Variants in OSR1 observed in about 807,000 individuals in gnomAD.
The protein encoded by OSR1 is odd-skipped related transcription factor 1, also known as protein odd-skipped-related 1.
OSR1 carries 3 observed loss-of-function variants against 15.7 expected under a neutral mutation model. The ratio of observed to expected loss-of-function variants is 0.19; its 90% CI spans 0.09 to 0.50. OSR1 has a LOEUF of 0.50. Ranked by LOEUF, OSR1 falls within the 20% of genes least tolerant of loss-of-function variation. The pLI is 0.97. For missense variants in OSR1, 271 were observed against 351.1 expected (o/e 0.77, Z 1.82); for synonymous variants, 166 against 152.7 (o/e 1.09, Z -0.64).
the OSR1 span, among the ~76,000 whole-genome samples, chr2:19,346,011 T>C: frequency 1.1e-4 from 17 of 152,296 alleles, no homozygotes; most frequent in Middle Eastern, 3.4e-3. Context: ...ATGCCCCCTA[T>C]AAAGTTTATC....
intron 1 of OSR1, chr2:19,356,185 C>G (rs1396855398): frequency 6.6e-6 from 1 of 152,500 alleles, no homozygotes; most frequent in Non-Finnish European, 1.5e-5. Context: ...CCACCAACCT[C>G]GCTAGGCCTT....
chr2:19,352,146 G>C lies in OSR1; in HGVS notation c.*129C>G. 9.2e-7 allele frequency: 1 copy of C among 1,087,258 alleles called. No homozygotes were observed. Among genetic ancestry groups the C allele is most frequent in the African/African-American group, 1.6e-5 (1 of 62,986 alleles). 67.4% of individuals were successfully genotyped at this position (1,087,258 alleles called of 1,614,324 possible). A position where few individuals can be genotyped will look rare whatever the true frequency, so the allele number is the denominator to read the frequency against. ...AAGTGCCGCGTGCGCCAGGGACCCA[G>C]GGGACAATGTTGGAGAGGTGGAAGG... On this transcript the variant is annotated 3_prime_UTR_variant, in exon 3 of 3. Transcript: ENST00000272223.
At chr2:19,348,734 A>T (rs1042700625), downstream of OSR1, among the ~76,000 whole-genome samples, 4 of 152,168 alleles carry the variant, frequency 2.6e-5, no homozygotes, top group African/African-American at 9.7e-5. Context: ...AATAGGGGGT[A>T]GAACCTGAAA....
chr2:19,350,903 G>C (rs1429512196), downstream of OSR1, among the ~76,000 whole-genome samples: 2 of 152,146 alleles, frequency 1.3e-5, no homozygotes, highest in East Asian at 3.9e-4. Flanking sequence ...AGAGAATTGT[G>C]TCTGAGGGAC....
chr2:19,347,218 T>A (rs1021214871), downstream of OSR1, among the ~76,000 whole-genome samples: 1 of 152,184 alleles, frequency 6.6e-6, no homozygotes, highest in Admixed American at 6.5e-5. Flanking sequence ...CTAAGCATCA[T>A]CATCATCAAC....
chr2:19,350,849 C>T (rs1445783002), downstream of OSR1, among the ~76,000 whole-genome samples: 8 of 152,162 alleles, frequency 5.3e-5, no homozygotes, highest in Non-Finnish European at 1.0e-4. Context: ...AGGGAATCTT[C>T]GCGGGTGCAG....
In OSR1 at chr2:19,352,469, C is replaced by T. The variant is rs1664861079; in HGVS notation, c.666-59G>A. The T allele has an allele frequency of 1.3e-5, 21 of 1,587,792 alleles. No individual in the cohort carries two copies. The South Asian group carries it at 2.2e-4, about 17-fold the overall frequency. ...AATGATGCAATGTTATAAACAGTTG[C>T]CCAAGATCCCCTCCCACTGCTGTGG... On this transcript the variant is annotated intron_variant, in intron 2 of 2. Transcript: ENST00000272223.
chr2:19,348,810 G>A (rs183149732), downstream of OSR1, among the ~76,000 whole-genome samples: 94 of 152,272 alleles, frequency 6.2e-4, no homozygotes, highest in Non-Finnish European at 1.0e-3. Flanking sequence ...ATATCTTACC[G>A]GAGACAGCAT....
At chr2:19,354,137 A>C (rs573550539) in intron 1 of OSR1, 142 of 276,946 alleles carry the variant, frequency 5.1e-4, no homozygotes, top group Non-Finnish European at 8.8e-4. Flanking sequence ...CTGAGAAAGG[A>C]ACAAGCAAAG....
At chr2:19,344,880 G>A in the OSR1 span, among the ~76,000 whole-genome samples, 11 of 152,096 alleles carry the variant, frequency 7.2e-5, no homozygotes, top group African/African-American at 9.7e-5. Context: ...GAAATTAAGC[G>A]AAAGCTTATC....
rs938848183 is a variant in OSR1, at chr2:19,352,127, C to A, written c.*148G>T. 1 of 886,402 alleles carries A rather than the reference C, an allele frequency of 1.1e-6. No homozygotes were observed. The highest frequency in any genetic ancestry group is 1.6e-6 in the Non-Finnish European group (1 of 613,954). The allele number at this position is 886,402 out of a possible 1,614,324, so 54.9% of individuals were successfully genotyped here. A position where few individuals can be genotyped will look rare whatever the true frequency, so the allele number is the denominator to read the frequency against. ...GGCCCCGGGCGGGGCTCTGAAGTGC[C>A]GCGTGCGCCAGGGACCCAGGGGACA... On this transcript the variant is annotated 3_prime_UTR_variant, in exon 3 of 3. Transcript: ENST00000272223.
intron 1 of OSR1, chr2:19,356,163 G>A (rs1432772923): frequency 6.6e-6 from 1 of 152,474 alleles, no homozygotes; most frequent in African/African-American, 2.4e-5. Flanking sequence ...CTCCGTGCCT[G>A]GGTGGGAGAA....
chr2:19,346,921 T>C (rs1558357205), downstream of OSR1, among the ~76,000 whole-genome samples: 1 of 152,252 alleles, frequency 6.6e-6, no homozygotes. Flanking sequence ...AGGTTGTTTT[T>C]TAACTCCCTG....
Position 19,352,380 on chromosome 2 carries a change from C to G in OSR1, c.696G>C (p.Lys232Asn), listed in dbSNP as rs1193066952. The G allele has an allele frequency of 6.2e-7, 1 of 1,614,062 alleles. No individual in the cohort carries two copies. The highest frequency in any genetic ancestry group is 8.5e-7 in the Non-Finnish European group (1 of 1,179,986). ...AGAATCCTTTCCCACACTCTTGACACTTGAAGGGCTTCTCTTTGGAGTGAA... is the reference window on the plus strand; with the variant it reads ...AGAATCCTTTCCCACACTCTTGACAGTTGAAGGGCTTCTCTTTGGAGTGAA... ...RYIHSKEKPF[K>N]CQECGKGFCQ... The change falls in exon 3 of 3, where the codon AAG becomes AAC. Residue 232 changes from lysine to asparagine, a missense_variant. By Grantham distance (94) the Lys-to-Asn change is moderately conservative. Around this residue, in one of 4 missense-constraint regions of OSR1, gnomAD observed 8 missense variants for 41.5 expected, o/e 0.19. Transcript: ENST00000272223.
In OSR1 at chr2:19,351,591, C is replaced by T. The variant is rs1375971599; in HGVS notation, c.*684G>A. ...AAAGTGCCAATCGCAATATAACGCC[C>T]GGCTCTTGGCTGGCTGCTCCCTCGC... On this transcript the variant is annotated 3_prime_UTR_variant, in exon 3 of 3. Coordinates refer to ENST00000272223, the MANE Select transcript of OSR1 (RefSeq NM_145260.3). 4 of 152,666 alleles carry T rather than the reference C, an allele frequency of 2.6e-5. No individual in the cohort carries two copies. The highest frequency in any genetic ancestry group is 2.1e-4 in the South Asian group (1 of 4,828). 9.5% of individuals were successfully genotyped at this position (152,666 alleles called of 1,614,324 possible). A position where few individuals can be genotyped will look rare whatever the true frequency, so the allele number is the denominator to read the frequency against.
intron 1 of OSR1, chr2:19,356,931 G>T (rs183942683): frequency 3.9e-5 from 6 of 152,300 alleles, no homozygotes; most frequent in Non-Finnish European, 8.8e-5. Flanking sequence ...TAATGAGAAC[G>T]GGAGCGAACT....
intron 1 of OSR1, chr2:19,356,521 A>G (rs1336669675): frequency 2.0e-5 from 3 of 152,216 alleles, no homozygotes; most frequent in African/African-American, 7.2e-5. Flanking sequence ...CGGTTAAGAG[A>G]AAAACACAGT....
chr2:19,349,888 T>C (rs1664803795), downstream of OSR1, among the ~76,000 whole-genome samples: 1 of 152,146 alleles, frequency 6.6e-6, no homozygotes, highest in African/African-American at 2.4e-5. Flanking sequence ...CCAAGGAAGA[T>C]TCTGCAGTTG....
At chr2:19,348,072 G>A (rs946822932), downstream of OSR1, among the ~76,000 whole-genome samples, 5 of 152,210 alleles carry the variant, frequency 3.3e-5, no homozygotes, top group South Asian at 2.1e-4. Context: ...CGCAGTGGGA[G>A]AGGAGGGCGG....
Sources: allele counts gnomAD v4.1 joint callset (sites outside exome capture counted in the v4.1 genomes callset), GRCh38; gene constraint gnomAD v4.1.1; regional missense constraint gnomAD v4.1.1; transcripts MANE v1.5; gene names NCBI Gene and HGNC (gene_info 2026-07-23, HGNC 2026-07-21).